Variants in SHISA9 observed in about 807,000 individuals in gnomAD.
SHISA9 encodes protein shisa-9.
A neutral mutation model predicts 38.0 loss-of-function variants in SHISA9; 13 were observed. That is an observed-to-expected ratio of 0.34 (90% CI 0.22 to 0.54). SHISA9 has a LOEUF of 0.54. Among genes scored for constraint, SHISA9 ranks in the 20% least tolerant of loss-of-function variants. SHISA9 has a pLI of 0.91. For missense variants in SHISA9, 538 were observed against 575.8 expected (o/e 0.93, Z 0.67); for synonymous variants, 275 against 242.0 (o/e 1.14, Z -1.27).
At chr16:13,488,881 C>T in the SHISA9 span, among the ~76,000 whole-genome samples, 150 of 152,368 alleles carry the variant, frequency 9.8e-4, 1 homozygote, top group Middle Eastern at 3.4e-3. Flanking sequence ...CCTGCCTCAG[C>T]CTCCTGAGTA....
At chr16:13,131,218 G>C (rs746180459) in intron 2 of SHISA9, among the ~76,000 whole-genome samples, 2 of 152,078 alleles carry the variant, frequency 1.3e-5, no homozygotes, top group African/African-American at 2.4e-5. Context: ...TAACACAAAT[G>C]GCCATTGATG....
intron 2 of SHISA9, among the ~76,000 whole-genome samples, chr16:13,112,604 C>A (rs1041740060): frequency 6.6e-6 from 1 of 151,894 alleles, no homozygotes; most frequent in Non-Finnish European, 1.5e-5. Flanking sequence ...CAATACCTCT[C>A]ATTGAGAAGC....
At chr16:13,289,292 G>A in the SHISA9 span, among the ~76,000 whole-genome samples, 2 of 128,104 alleles carry the variant, frequency 1.6e-5, no homozygotes, top group African/African-American at 2.9e-5. Context: ...GCCATTTAAA[G>A]TTTCTTAAGG....
chr16:13,015,826 T>C (rs1158777793), intron 2 of SHISA9, among the ~76,000 whole-genome samples: 1 of 145,366 alleles, frequency 6.9e-6, no homozygotes, highest in Non-Finnish European at 1.6e-5. Context: ...TGTTTGTTTC[T>C]CTCTCTCTCT....
At chr16:12,979,179 T>C (rs1208522566) in intron 2 of SHISA9, among the ~76,000 whole-genome samples, 1 of 152,184 alleles carries the variant, frequency 6.6e-6, no homozygotes, top group Non-Finnish European at 1.5e-5. Flanking sequence ...AGCCACACCC[T>C]CTCTGCTGGT....
At chr16:13,098,534 G>T (rs1422703381) in intron 2 of SHISA9, among the ~76,000 whole-genome samples, 2 of 152,164 alleles carry the variant, frequency 1.3e-5, no homozygotes, top group South Asian at 4.1e-4. Flanking sequence ...GTGAGAAAGG[G>T]GGGAGGTTCT....
rs563287115 is a variant in SHISA9 at position 13,178,062 on chromosome 16, C to T, written c.692-25332C>T. Among the ~76,000 whole-genome samples the T allele has an allele frequency of 2.0e-5, 3 of 152,258 alleles. No individual in the cohort carries two copies. In the South Asian group the frequency reaches 6.2e-4, roughly 32 times the overall value. ...AAATATTATTGAGTGAACAAATGAA[C>T]GAGTGAATAATCACATCGATTTTGA... On this transcript the variant is annotated intron_variant, in intron 2 of 4. Transcript: ENST00000558583.
intron 2 of SHISA9, among the ~76,000 whole-genome samples, chr16:13,187,996 G>A (rs6498391): frequency 0.15 from 22,708 of 152,052 alleles, 1,976 homozygotes; most frequent in Middle Eastern, 0.23. Context: ...TCCTCCAACC[G>A]TGGGGGAAGT....
At chr16:13,405,222 C>T in the SHISA9 span, among the ~76,000 whole-genome samples, 14 of 152,216 alleles carry the variant, frequency 9.2e-5, no homozygotes, top group South Asian at 4.2e-4. Flanking sequence ...TAGTCAATTC[C>T]GAATATGTTA....
At chr16:13,203,830 A>G (rs934722030) in intron 3 of SHISA9, among the ~76,000 whole-genome samples, 4 of 151,808 alleles carry the variant, frequency 2.6e-5, no homozygotes, top group Admixed American at 6.6e-5. Context: ...TTATCCATCT[A>G]CCTACCTACA....
At chr16:13,448,621 T>G in the SHISA9 span, among the ~76,000 whole-genome samples, 1 of 152,226 alleles carries the variant, frequency 6.6e-6, no homozygotes, top group Non-Finnish European at 1.5e-5. Context: ...CCTACTCATT[T>G]CTCATTGATG....
At chr16:12,958,850 C>A (rs1298913653) in intron 2 of SHISA9, among the ~76,000 whole-genome samples, 1 of 152,246 alleles carries the variant, frequency 6.6e-6, no homozygotes, top group East Asian at 1.9e-4. Flanking sequence ...ATAACAAATA[C>A]TCCCCCCACC....
chr16:13,349,418 T>A, the SHISA9 span, among the ~76,000 whole-genome samples: 2 of 152,236 alleles, frequency 1.3e-5, no homozygotes, highest in East Asian at 1.9e-4. Context: ...TATGTGACTT[T>A]GCTGATTAAG....
intron 2 of SHISA9, among the ~76,000 whole-genome samples, chr16:12,980,999 C>G (rs1325091940): frequency 3.3e-5 from 5 of 152,214 alleles, no homozygotes; most frequent in African/African-American, 7.2e-5. Context: ...AAACTTAAGT[C>G]CATCTGTTCT....
At chr16:13,208,433 C>CTTTTTTTTTTTTT (rs148636082) in intron 3 of SHISA9, among the ~76,000 whole-genome samples, 2 of 119,866 alleles carry the variant, frequency 1.7e-5, no homozygotes, top group East Asian at 2.4e-4. Flanking sequence ...CTTTCTTTTT[C>CTTTTTTTTTTTTT]TTTTTTTTTC....
chr16:12,951,317 G>A (rs567467632), intron 2 of SHISA9, among the ~76,000 whole-genome samples: 5 of 148,868 alleles, frequency 3.4e-5, no homozygotes, highest in South Asian at 4.3e-4. Context: ...CTCTCGTTAC[G>A]TTTCCCTTGG....
intron 1 of SHISA9, among the ~76,000 whole-genome samples, chr16:12,903,329 C>T (rs987223363): frequency 2.6e-5 from 4 of 152,196 alleles, no homozygotes; most frequent in African/African-American, 4.8e-5. Flanking sequence ...GATTGAGCCC[C>T]TTGCCCTGGC....
intron 2 of SHISA9, among the ~76,000 whole-genome samples, chr16:13,107,886 T>G (rs4780507): frequency 0.051 from 7,755 of 152,152 alleles, 338 homozygotes; most frequent in Admixed American, 0.14. Context: ...AAGGAGGATA[T>G]GAATTGGGGT....
the SHISA9 span, among the ~76,000 whole-genome samples, chr16:13,365,910 A>T: frequency 5.3e-5 from 8 of 152,218 alleles, no homozygotes. Flanking sequence ...ACCTTTGAAA[A>T]AAATTAAGGA....
Sources: gnomAD v4.1 joint callset for allele counts (sites outside exome capture counted in the v4.1 genomes callset) on GRCh38, gnomAD v4.1.1 for gene constraint, MANE v1.5 for transcripts, NCBI Gene and HGNC (gene_info 2026-07-23, HGNC 2026-07-21) for gene names.